Variants in SORCS2 observed in about 807,000 individuals in gnomAD.
SORCS2 encodes the protein VPS10 domain-containing receptor SorCS2.
Under a neutral mutation model 141.6 loss-of-function variants are expected in SORCS2, and 100 were observed. That is an observed-to-expected ratio of 0.71 (90% CI 0.60 to 0.83). SORCS2 has a LOEUF of 0.83. Ranked by LOEUF, SORCS2 falls within the 40% of genes least tolerant of loss-of-function variation. The pLI, the probability that SORCS2 is intolerant of heterozygous loss-of-function variation, is 0.00. For synonymous variants in SORCS2, 789 were observed against 676.9 expected (o/e 1.17, Z -2.57); for missense variants, 1,646 against 1,560.2 (o/e 1.05, Z -0.93).
At chr4:7,360,617 C>T (rs1721526741) in intron 1 of SORCS2, among the ~76,000 whole-genome samples, 1 of 113,402 alleles carries the variant, frequency 8.8e-6, no homozygotes, top group African/African-American at 3.5e-5. Flanking sequence ...CTCACTCTGT[C>T]TCCCAGGCTG....
At chr4:7,563,957 A>G (rs896889832) in intron 3 of SORCS2, among the ~76,000 whole-genome samples, 1 of 152,194 alleles carries the variant, frequency 6.6e-6, no homozygotes, top group Non-Finnish European at 1.5e-5. Flanking sequence ...ACTTTATGAA[A>G]CATAAGATGT....
intron 1 of SORCS2, among the ~76,000 whole-genome samples, chr4:7,309,139 A>T (rs80046838): frequency 6.9e-4 from 105 of 152,264 alleles, no homozygotes; most frequent in African/African-American, 2.4e-3. Context: ...GAAAGGTCTA[A>T]ATCACCGGGC....
intron 3 of SORCS2, among the ~76,000 whole-genome samples, chr4:7,611,713 G>A (rs1202722768): frequency 6.6e-6 from 1 of 152,224 alleles, no homozygotes; most frequent in Non-Finnish European, 1.5e-5. Context: ...AAAATGAGAA[G>A]AATAGGAATC....
At chr4:7,335,860 G>A (rs935969600) in intron 1 of SORCS2, among the ~76,000 whole-genome samples, 1 of 152,166 alleles carries the variant, frequency 6.6e-6, no homozygotes, top group Non-Finnish European at 1.5e-5. Flanking sequence ...GTGCGGGTGC[G>A]GGGGTGAGGC....
At chr4:7,374,116 T>A (rs1215184013) in intron 1 of SORCS2, among the ~76,000 whole-genome samples, 10 of 23,506 alleles carry the variant, frequency 4.3e-4, no homozygotes, top group African/African-American at 1.4e-3. Context: ...AGATTCTTTC[T>A]TTCTTTCTTT....
At chr4:7,593,681 G>A (rs186534335) in intron 3 of SORCS2, among the ~76,000 whole-genome samples, 8 of 152,308 alleles carry the variant, frequency 5.3e-5, no homozygotes, top group South Asian at 4.1e-4. Flanking sequence ...GGCCCCAGGC[G>A]GGTAATGGGA....
chr4:7,201,035 C>T lies in SORCS2; in HGVS notation c.480+7909C>T, dbSNP rs370838450. Among the ~76,000 whole-genome samples, 5 of 152,162 alleles carry T rather than the reference C, an allele frequency of 3.3e-5. No individual in the cohort carries two copies. Among genetic ancestry groups the T allele is most frequent in the African/African-American group, 1.2e-4 (5 of 41,424 alleles). The stretch of plus-strand genomic sequence containing the variant: ...TGAGGGGCCAAGTCAAACTTGGCCC[C>T]TGCGCGGGTGAAATGTTTGGTCTGG... On this transcript the variant is annotated intron_variant, in intron 1 of 26. Transcript: ENST00000507866. This position sits in a 1 kb window ranked among gnomAD's most constrained non-coding sequence, Gnocchi z 4.4.
intron 2 of SORCS2, among the ~76,000 whole-genome samples, chr4:7,499,722 C>A (rs919512990): frequency 6.6e-6 from 1 of 150,880 alleles, no homozygotes; most frequent in Non-Finnish European, 1.5e-5. Flanking sequence ...ATCCTCTCGT[C>A]TGCCTTCCTC....
At position 7,702,507 on chromosome 4, in the gene SORCS2, T is replaced by C. The variant is rs564964261; in HGVS notation, c.1669-773T>C. ...TCCTCATGTGTACAATGGGACCCCA[T>C]CCTGGGGCTGTTTGCCAAGCGAGGC... On this transcript the variant is annotated intron_variant, in intron 12 of 26. Transcript: ENST00000507866. 2.0e-5 allele frequency among the ~76,000 whole-genome samples: 3 copies of C among 152,236 alleles called. No homozygotes were observed. The South Asian group carries it at 6.2e-4, about 32-fold the overall frequency.
chr4:7,358,991 A>G (rs1317977551), intron 1 of SORCS2, among the ~76,000 whole-genome samples: 1 of 152,212 alleles, frequency 6.6e-6, no homozygotes, highest in African/African-American at 2.4e-5. Flanking sequence ...GGTGCATACC[A>G]CAACACTCGG....
chr4:7,485,256 C>A (rs7682010), intron 2 of SORCS2, among the ~76,000 whole-genome samples: 2,576 of 152,340 alleles, frequency 0.017, 76 homozygotes, highest in African/African-American at 0.059. Context: ...TCCCATCGCC[C>A]TGGGCAGCTG....
chr4:7,411,310 C>G lies in SORCS2; in HGVS notation c.548+14955C>G, dbSNP rs572194184. 6.6e-5 allele frequency among the ~76,000 whole-genome samples: 10 copies of G among 152,004 alleles called. 1 individual carries two copies. In the South Asian group the frequency reaches 2.1e-3, roughly 32 times the overall value. Reference sequence around the variant, plus strand: ...CTCCCTTGGGTCCGGGCTCCAGGGACCCCTCTGTCACTGCTTCTAGCTTCT... The same window carrying G: ...CTCCCTTGGGTCCGGGCTCCAGGGAGCCCTCTGTCACTGCTTCTAGCTTCT... On this transcript the variant is annotated intron_variant, in intron 2 of 26. Transcript: ENST00000507866.
intron 1 of SORCS2, among the ~76,000 whole-genome samples, chr4:7,198,818 C>T (rs546169727): frequency 2.6e-5 from 4 of 152,196 alleles, no homozygotes; most frequent in Admixed American, 2.0e-4. Flanking sequence ...GAGGCGGCAG[C>T]ACATGGGGAC....
At chr4:7,446,208 C>T (rs1241131396) in intron 2 of SORCS2, among the ~76,000 whole-genome samples, 1 of 151,890 alleles carries the variant, frequency 6.6e-6, no homozygotes, top group East Asian at 1.9e-4. Context: ...AGAAAAGAAC[C>T]TTATTTCCCA....
At chr4:7,660,980 A>G (rs1007198689) in intron 5 of SORCS2, among the ~76,000 whole-genome samples, 13 of 152,142 alleles carry the variant, frequency 8.5e-5, no homozygotes, top group Non-Finnish European at 1.3e-4. Flanking sequence ...CCTGGCTTGA[A>G]TCACAGGTCA....
chr4:7,709,659 G>T (rs965760069), intron 14 of SORCS2, among the ~76,000 whole-genome samples: 5 of 152,306 alleles, frequency 3.3e-5, no homozygotes, highest in Middle Eastern at 3.4e-3. Context: ...TGCCCTGCCG[G>T]AGAGTTCCCA....
At chr4:7,447,570 G>C (rs1293478006) in intron 2 of SORCS2, among the ~76,000 whole-genome samples, 1 of 151,698 alleles carries the variant, frequency 6.6e-6, no homozygotes, top group Admixed American at 6.6e-5. Flanking sequence ...TTCTGGAAAG[G>C]GTTCTGTTTT....
chr4:7,739,755 G>A (rs73080575), intron 26 of SORCS2, among the ~76,000 whole-genome samples: 17,080 of 152,072 alleles, frequency 0.11, 1,196 homozygotes, highest in African/African-American at 0.2. Context: ...GCCCCCACCC[G>A]GGACACCCGG....
chr4:7,245,228 A>G (rs893684296), intron 1 of SORCS2, among the ~76,000 whole-genome samples: 3 of 152,076 alleles, frequency 2.0e-5, no homozygotes, highest in Non-Finnish European at 4.4e-5. Flanking sequence ...ACCTCCTCCA[A>G]CAGGGTCTCT....
Sources: gnomAD v4.1 joint callset for allele counts (sites outside exome capture counted in the v4.1 genomes callset) on GRCh38, gnomAD v4.1.1 for gene constraint, Gnocchi (gnomAD v3.1) non-coding constraint, MANE v1.5 for transcripts, NCBI Gene and HGNC (gene_info 2026-07-23, HGNC 2026-07-21) for gene names.